Variants in TMEM120B observed in about 807,000 individuals in gnomAD.
The protein encoded by TMEM120B is transmembrane protein 120B.
In TMEM120B, 31 loss-of-function variants were observed where a neutral mutation model predicts 55.5. That is an observed-to-expected ratio of 0.56 (90% CI 0.42 to 0.75). The LOEUF (loss-of-function observed/expected upper bound fraction) is 0.75, where lower values mean the gene tolerates loss of function less well. Among genes scored for constraint, TMEM120B ranks in the 30% least tolerant of loss-of-function variants. TMEM120B has a pLI of 0.00. For missense variants in TMEM120B, 399 were observed against 425.5 expected, an observed-to-expected ratio of 0.94 and a Z score of 0.55; for synonymous variants, 203 against 176.3, an observed-to-expected ratio of 1.15 and a Z score of -1.20.
intron 2 of TMEM120B, among the ~76,000 whole-genome samples, chr12:121,746,680 C>T (rs575669877): frequency 4.2e-4 from 63 of 151,594 alleles, no homozygotes; most frequent in East Asian, 2.2e-3. Context: ...GAAGGCCGGG[C>T]GTGGTGGCTC....
chr12:121,771,061 TG>T (rs1204502330), intron 7 of TMEM120B, 89 bp downstream of exon 7: 13 of 1,420,252 alleles, frequency 9.2e-6, no homozygotes, highest in African/African-American at 4.3e-5. Context: ...CAGACAGCGG[TG>T]GGGGGTGTGC....
rs757945270 is a variant in TMEM120B at position 121,779,457 on chromosome 12, C to G, written c.*3735C>G. On this transcript the variant is annotated 3_prime_UTR_variant, in exon 12 of 12. Coordinates refer to ENST00000449592, the MANE Select transcript of TMEM120B (RefSeq NM_001080825.2). Reference sequence around the variant, plus strand: ...CTGGTGCAATCGGCACCTGGGCCCCCGGGCCCTGTCAGTGCTGTCGTGAGG... The same window carrying G: ...CTGGTGCAATCGGCACCTGGGCCCCGGGGCCCTGTCAGTGCTGTCGTGAGG... 2 of 1,597,486 alleles carry G rather than the reference C, an allele frequency of 1.3e-6. No homozygotes were observed. Among genetic ancestry groups the G allele is most frequent in the South Asian group, 2.2e-5 (2 of 90,700 alleles).
chr12:121,736,389 C>T (rs1438441530), intron 1 of TMEM120B, among the ~76,000 whole-genome samples: 3 of 149,998 alleles, frequency 2.0e-5, no homozygotes, highest in African/African-American at 4.9e-5. Context: ...AGGATTGTCT[C>T]GATCTCCTGA....
At chr12:121,713,901 A>G (rs1894647081) in intron 1 of TMEM120B, among the ~76,000 whole-genome samples, 1 of 152,168 alleles carries the variant, frequency 6.6e-6, no homozygotes, top group South Asian at 2.1e-4. Context: ...CTATCACCCC[A>G]GTCCTCTCAT....
intron 1 of TMEM120B, among the ~76,000 whole-genome samples, chr12:121,716,310 A>C (rs1353692281): frequency 2.0e-5 from 2 of 101,856 alleles, no homozygotes; most frequent in South Asian, 2.9e-4. Context: ...CCTCTCTCTC[A>C]AAAAAAAAAA....
At chr12:121,745,065 G>A (rs1009496216) in intron 2 of TMEM120B, among the ~76,000 whole-genome samples, 1 of 152,150 alleles carries the variant, frequency 6.6e-6, no homozygotes, top group Non-Finnish European at 1.5e-5. Context: ...GGGATAGTGA[G>A]TAGCATCCCT....
intron 2 of TMEM120B, 24 bp from the exon 3 acceptor site, chr12:121,748,302 C>A: frequency 6.3e-7 from 1 of 1,587,048 alleles, no homozygotes; most frequent in Non-Finnish European, 8.6e-7. Flanking sequence ...GCCCCTTCCC[C>A]TGTGCCTGCA....
At chr12:121,773,398 C>G in intron 8 of TMEM120B, 23 bp from the exon 9 acceptor site, 1 of 1,598,462 alleles carries the variant, frequency 6.3e-7, no homozygotes, top group South Asian at 1.1e-5. Context: ...GCCCTGAGCC[C>G]AGGTGCTGTG....
At position 121,713,163 on chromosome 12, in the gene TMEM120B, G is replaced by T. The variant is rs553053549; in HGVS notation, c.69+199G>T. On this transcript the variant is annotated intron_variant, in intron 1 of 11. Transcript: ENST00000449592. ...AGCTCTTCGTCCACGTGGGGCGCCG[G>T]GTCGCAGCCCCCTCTTCCGCCGCCC... Among the ~76,000 whole-genome samples, 4 of 152,250 alleles carry T rather than the reference G, an allele frequency of 2.6e-5. No homozygotes were observed. In the East Asian group the frequency reaches 5.8e-4, roughly 22 times the overall value.
chr12:121,726,578 CAA>C (rs35018846), intron 1 of TMEM120B, among the ~76,000 whole-genome samples: 1 of 130,960 alleles, frequency 7.6e-6, no homozygotes. Flanking sequence ...GACTCTGTCT[CAA>C]AAAAAAAAAT....
intron 1 of TMEM120B, among the ~76,000 whole-genome samples, chr12:121,735,519 C>T (rs1192553615): frequency 4.6e-5 from 7 of 151,562 alleles, no homozygotes. Context: ...CTGCCTCAGC[C>T]TCCCGAGTAG....
At chr12:121,755,111 C>G (rs1873441783) in intron 5 of TMEM120B, among the ~76,000 whole-genome samples, 1 of 152,242 alleles carries the variant, frequency 6.6e-6, no homozygotes, top group Non-Finnish European at 1.5e-5. Context: ...AAAAGGCTCA[C>G]AGCTTCATAG....
rs541097435 is a variant in TMEM120B at position 121,780,555 on chromosome 12, G to A, written c.*4833G>A. The A allele has an allele frequency of 6.3e-5, 31 of 494,402 alleles. No individual in the cohort carries two copies. In the South Asian group the frequency reaches 1.1e-3, roughly 18 times the overall value. 30.6% of individuals were successfully genotyped at this position (494,402 alleles called of 1,614,324 possible). A position where few individuals can be genotyped will look rare whatever the true frequency, so the allele number is the denominator to read the frequency against. The stretch of plus-strand genomic sequence containing the variant: ...ATAGCACAGACTTTGGATTGCAGTG[G>A]ATGGGACCAGATCCTGGCTCCACTT... On this transcript the variant is annotated 3_prime_UTR_variant, in exon 12 of 12. Coordinates refer to ENST00000449592, the MANE Select transcript of TMEM120B (RefSeq NM_001080825.2).
chr12:121,766,178 C>T (rs2707069), intron 6 of TMEM120B, among the ~76,000 whole-genome samples: 24,889 of 151,994 alleles, frequency 0.16, 2,250 homozygotes, highest in South Asian at 0.28. Context: ...TGAATTGGGA[C>T]AGGAGGTGTG....
Position 121,771,587 on chromosome 12 carries a change from G to A in TMEM120B, c.679+38G>A, listed in dbSNP as rs539879753. On this transcript the variant is annotated intron_variant, in intron 8 of 11. Transcript: ENST00000449592. ...TGCCTGGATTTGGGGGAAGGGACAT[G>A]GTTTTCTGAGACTTTCACCAAGGGA... The A allele has an allele frequency of 3.2e-5, 51 of 1,593,142 alleles. No homozygotes were observed. In the East Asian group the frequency reaches 7.8e-4, roughly 24 times the overall value.
At chr12:121,713,904 C>T (rs1230431819) in intron 1 of TMEM120B, among the ~76,000 whole-genome samples, 2 of 152,186 alleles carry the variant, frequency 1.3e-5, no homozygotes, top group Non-Finnish European at 2.9e-5. Context: ...TCACCCCAGT[C>T]CTCTCATTTG....
chr12:121,746,302 C>G (rs951706268), intron 2 of TMEM120B, among the ~76,000 whole-genome samples: 1 of 151,996 alleles, frequency 6.6e-6, no homozygotes, highest in Non-Finnish European at 1.5e-5. Context: ...ATTCTCCTGC[C>G]TCAGCCTCCC....
rs534924596 is a variant in TMEM120B at position 121,722,502 on chromosome 12, C to T, written c.69+9538C>T. 7.9e-4 allele frequency among the ~76,000 whole-genome samples: 120 copies of T among 152,124 alleles called. 1 individual carries two copies. The highest frequency in any genetic ancestry group is 7.8e-4 in the Non-Finnish European group (53 of 68,026). On this transcript the variant is annotated intron_variant, in intron 1 of 11. Transcript: ENST00000449592. ...CACAACTAAAAACTGGCAACCTGAA[C>T]GTCCGTGGGAATGGATCATTACACT...
At chr12:121,761,442 TGAG>T (rs1321767811) in intron 5 of TMEM120B, among the ~76,000 whole-genome samples, 1 of 151,986 alleles carries the variant, frequency 6.6e-6, no homozygotes, top group East Asian at 1.9e-4. Context: ...GGGAGAAAGA[TGAG>T]GAGGTTCAGA....
Sources: gnomAD v4.1 joint callset for allele counts (sites outside exome capture counted in the v4.1 genomes callset) on GRCh38, gnomAD v4.1.1 for gene constraint, MANE v1.5 for transcripts, NCBI Gene and HGNC (gene_info 2026-07-23, HGNC 2026-07-21) for gene names.